ATP13A2: variants seen among roughly 807,000 people sequenced by gnomAD.
ATP13A2 encodes polyamine-transporting ATPase 13A2.
ATP13A2 carries 83 observed loss-of-function variants against 138.3 expected under a neutral mutation model. The observed-to-expected ratio is 0.60, with a 90% CI of 0.50 to 0.72. ATP13A2 has a LOEUF of 0.72. Among genes scored for constraint, ATP13A2 ranks in the 30% least tolerant of loss-of-function variants. ATP13A2 has a pLI of 0.00. For missense variants in ATP13A2, 1,402 were observed against 1,606.4 expected, an observed-to-expected ratio of 0.87 and a Z score of 2.17; for synonymous variants, 663 against 699.0, an observed-to-expected ratio of 0.95 and a Z score of 0.81.
At position 17,002,080 on chromosome 1, in the gene ATP13A2, A is replaced by G; in HGVS notation, c.659T>C (p.Val220Ala). Reference sequence around the variant, plus strand: ...GTAGGACTTGACCGGTATGCTGATCACGTTGGGGCCGTAAATGGCCTTCCT... The same window carrying G: ...GTAGGACTTGACCGGTATGCTGATCGCGTTGGGGCCGTAAATGGCCTTCCT... Reference protein sequence around the residue: ...MVRKAIYGPNVISIPVKSYPQ... With the variant: ...MVRKAIYGPNAISIPVKSYPQ... Residue 220 changes from valine (V) to alanine (A), a missense_variant, in exon 8 of 29, where the codon GTG becomes GCG. Transcript: ENST00000326735. The G allele has an allele frequency of 6.2e-7, 1 of 1,613,834 alleles. No homozygotes were observed. Among genetic ancestry groups the G allele is most frequent in the Non-Finnish European group, 8.5e-7 (1 of 1,179,880 alleles).
In ATP13A2 at chr1:16,988,213, G is replaced by T. The variant is rs2076803104; in HGVS notation, c.2784C>A (p.Asp928Glu). 1.2e-6 allele frequency: 2 copies of T among 1,614,102 alleles called. No individual in the cohort carries two copies. Among genetic ancestry groups the T allele is most frequent in the African/African-American group, 2.7e-5 (2 of 74,946 alleles). Residue 928 changes from aspartate (D) to glutamate (E), a missense_variant, in exon 25 of 29, where the codon GAC (aspartate) becomes GAA (glutamate). Transcript: ENST00000326735. ...TGTACTTGAAGACGCTGAACGAAGT[G>T]TCAAGGGAACAGCGCCCCTCCCTGG... ...MVIREGRCSL[D>E]TSFSVFKYMA...
At position 17,011,490 on chromosome 1, in the gene ATP13A2, G is replaced by A. The variant is rs1037620825; in HGVS notation, c.10+239C>T. ...CCCGCGGCTGAGGGGTGCAGGGGAG[G>A]GGAGGGACCGGCTGCGAGCGGCGGC... On this transcript the variant is annotated intron_variant, in intron 1 of 28. Coordinates refer to ENST00000326735, the MANE Select transcript of ATP13A2 (RefSeq NM_022089.4). This position sits in a 1 kb window ranked among gnomAD's most constrained non-coding sequence, Gnocchi z 7.3. Among the ~76,000 whole-genome samples, 4 of 152,266 alleles carry A rather than the reference G, an allele frequency of 2.6e-5. No individual in the cohort carries two copies. In the South Asian group the frequency reaches 6.2e-4, roughly 24 times the overall value.
intron 8 of ATP13A2, chr1:17,000,905 G>A: frequency 4.3e-6 from 1 of 235,232 alleles, no homozygotes; most frequent in Non-Finnish European, 8.5e-6. Flanking sequence ...TCGCGCCACT[G>A]CACTCCAGCC....
Position 16,996,432 on chromosome 1 carries a change from C to T in ATP13A2, c.1260G>A (p.Lys420=), listed in dbSNP as rs1557693789. ...CAAACTTCATGCTGTGTTTATAGAA[C>T]TTGAAGTTGATGGGCCGGGGGTGCA... ...SILHPRPINF[K]FYKHSMKFVA... is the part of the protein sequence containing the mutation. The change falls in exon 13 of 29, where the codon AAG becomes AAA. Residue 420 remains lysine (K), a synonymous_variant. Coordinates refer to ENST00000326735, the MANE Select transcript of ATP13A2 (RefSeq NM_022089.4). 4 of 1,614,006 alleles carry T rather than the reference C, an allele frequency of 2.5e-6. No homozygotes were observed. The highest frequency in any genetic ancestry group is 1.3e-5 in the African/African-American group (1 of 74,902).
At position 16,996,203 on chromosome 1, in the gene ATP13A2, T is replaced by C. The variant is rs1233950573; in HGVS notation, c.1354-39A>G. ...CCATGAATGTGAGCACCTGGCTGGT[T>C]GGCCCCTGGGCCCTGCTGGCAGCAC... On this transcript the variant is annotated intron_variant, in intron 14 of 28. Transcript: ENST00000326735. The C allele has an allele frequency of 5.0e-6, 8 of 1,614,058 alleles. No homozygotes were observed. In the African/African-American group the frequency reaches 1.1e-4, roughly 22 times the overall value.
In ATP13A2 at chr1:16,991,870, G is replaced by A. The variant is rs2100769675; in HGVS notation, c.2127-12C>T. ...CTTCCACAGTGTCCCTGGAGGGTGG[G>A]CAGACCTGGATCAGAGGTCATGCAG... On this transcript the variant is annotated splice_polypyrimidine_tract_variant and intron_variant, in intron 19 of 28. Transcript: ENST00000326735. The A allele has an allele frequency of 3.1e-6, 5 of 1,614,038 alleles. No homozygotes were observed. In the East Asian group the frequency reaches 6.7e-5, roughly 22 times the overall value.
chr1:16,998,937 C>T (rs545026199), intron 11 of ATP13A2, among the ~76,000 whole-genome samples: 23 of 152,254 alleles, frequency 1.5e-4, no homozygotes, highest in African/African-American at 4.3e-4. Context: ...ACACCTCACA[C>T]CCTTCACAGT....
Position 16,988,304 on chromosome 1 carries a change from G to A in ATP13A2, c.2762+18C>T, listed in dbSNP as rs746804111. On this transcript the variant is annotated intron_variant, in intron 24 of 28. Coordinates refer to ENST00000326735, the MANE Select transcript of ATP13A2 (RefSeq NM_022089.4). ...CAGCCCTGCTGAGCCCTCACCCACC[G>A]GTCCCTGCCTGCCTTACCTGATGAC... 12 of 1,614,056 alleles carry A rather than the reference G, an allele frequency of 7.4e-6. No homozygotes were observed. Among genetic ancestry groups the A allele is most frequent in the South Asian group, 1.1e-5 (1 of 91,092 alleles).
chr1:16,989,600 A>C, intron 23 of ATP13A2, 91 bp downstream of exon 23: 1 of 1,293,962 alleles, frequency 7.7e-7, no homozygotes, highest in Non-Finnish European at 1.1e-6. Context: ...CTGAGGAGGG[A>C]GACAGGGCCC....
chr1:17,007,613 G>A (rs1311026381), intron 1 of ATP13A2, among the ~76,000 whole-genome samples: 5 of 145,298 alleles, frequency 3.4e-5, no homozygotes, highest in African/African-American at 1.0e-4. Flanking sequence ...GTGCAGTGGC[G>A]CGATCTCGGC....
intron 1 of ATP13A2, among the ~76,000 whole-genome samples, chr1:17,010,315 T>C (rs1369221620): frequency 2.6e-5 from 4 of 152,148 alleles, no homozygotes; most frequent in Admixed American, 6.6e-5. Context: ...TGACCTCAAG[T>C]AATCCGCCTG....
chr1:16,996,722 T>G (rs569082891), intron 12 of ATP13A2: 2 of 617,766 alleles, frequency 3.2e-6, no homozygotes, highest in African/African-American at 3.7e-5. Context: ...GTGGTTCCAC[T>G]GAAAATCCAG....
chr1:16,990,772 T>C (rs2076902639), intron 20 of ATP13A2, among the ~76,000 whole-genome samples: 1 of 152,180 alleles, frequency 6.6e-6, no homozygotes, highest in South Asian at 2.1e-4. Flanking sequence ...TCCCCCTGCC[T>C]CGGCCTCCCG....
At chr1:17,009,206 C>T (rs1203810654) in intron 1 of ATP13A2, among the ~76,000 whole-genome samples, 1 of 152,110 alleles carries the variant, frequency 6.6e-6, no homozygotes, top group African/African-American at 2.4e-5. Context: ...CTGACATTCC[C>T]CTCAGCATCA....
Position 17,002,378 on chromosome 1 carries a change from G to A in ATP13A2, c.558-5C>T. 5 of 1,612,420 alleles carry A rather than the reference G, an allele frequency of 3.1e-6. No homozygotes were observed. Among genetic ancestry groups the A allele is most frequent in the Middle Eastern group, 3.3e-4 (2 of 5,988 alleles). ...GAGCGGCCATGGTCCAGGAGGCTGG[G>A]GGTGGGTGCGAGGGGACACGCATGG... is the stretch of plus-strand genomic sequence containing the variant. On this transcript the variant is annotated splice_polypyrimidine_tract_variant and splice_region_variant and intron_variant, in intron 6 of 28. Transcript: ENST00000326735.
intron 22 of ATP13A2, 26 bp downstream of exon 22, chr1:16,989,861 G>C: frequency 1.2e-6 from 2 of 1,608,220 alleles, no homozygotes; most frequent in Non-Finnish European, 1.7e-6. Flanking sequence ...GGCGCAGGGC[G>C]GCCAGGGAGC....
At chr1:16,999,761 C>T (rs1441514970) in intron 11 of ATP13A2, among the ~76,000 whole-genome samples, 1 of 152,016 alleles carries the variant, frequency 6.6e-6, no homozygotes, top group Non-Finnish European at 1.5e-5. Flanking sequence ...ATTAGCTGGG[C>T]GTGATGGTAT....
At chr1:17,003,213 A>G (rs1454187502) in intron 6 of ATP13A2, among the ~76,000 whole-genome samples, 1 of 151,404 alleles carries the variant, frequency 6.6e-6, no homozygotes, top group East Asian at 1.9e-4. Flanking sequence ...TTCAAAACAA[A>G]CTCCCTGCCC....
Position 16,997,026 on chromosome 1 carries a change from G to A in ATP13A2, c.1189C>T (p.Arg397Cys), listed in dbSNP as rs748309608. 3.0e-5 allele frequency: 49 copies of A among 1,611,882 alleles called. No homozygotes were observed. Among genetic ancestry groups the A allele is most frequent in the Admixed American group, 6.7e-5 (4 of 59,950 alleles). Residue 397 changes from arginine (R) to cysteine (C), a missense_variant, in exon 12 of 29, where the codon CGC becomes TGC. Transcript: ENST00000326735. Reference protein sequence around the residue: ...VGPHVLAVVTRTGFCTAKGGL... With the variant: ...VGPHVLAVVTCTGFCTAKGGL... ...CCAGCCTCCCGGCTCATACCTGTGC[G>A]GGTCACCACTGCCAGGACGTGCGGT... is the stretch of plus-strand genomic sequence containing the variant.
Sources: gnomAD v4.1 joint callset for allele counts (sites outside exome capture counted in the v4.1 genomes callset) on GRCh38, gnomAD v4.1.1 for gene constraint, Gnocchi (gnomAD v3.1) non-coding constraint, MANE v1.5 for transcripts, NCBI Gene and HGNC (gene_info 2026-07-23, HGNC 2026-07-21) for gene names.